TMEM94: variants seen among roughly 807,000 people sequenced by gnomAD.
TMEM94 encodes the protein ER Mg2+ ATPase.
TMEM94 carries 81 observed loss-of-function variants against 158.6 expected under a neutral mutation model. The observed-to-expected ratio is 0.51, with a 90% CI of 0.43 to 0.61. The LOEUF is 0.61. TMEM94 is among the 20% of genes least tolerant of loss of function. The pLI, the probability that TMEM94 is intolerant of heterozygous loss-of-function variation, is 0.00. For synonymous variants in TMEM94, 751 were observed against 730.7 expected, an observed-to-expected ratio of 1.03 and a Z score of -0.45; for missense variants, 1,435 against 1,762.0, an observed-to-expected ratio of 0.81 and a Z score of 3.32.
chr17:75,488,711 C>T, intron 6 of TMEM94, 48 bp from the exon 7 acceptor site: 1 of 1,605,148 alleles, frequency 6.2e-7, no homozygotes, highest in Non-Finnish European at 8.5e-7. Flanking sequence ...GGAAGAGTGG[C>T]CTCTGATAGG....
chr17:75,497,890 G>C, intron 27 of TMEM94, 28 bp downstream of exon 27: 1 of 1,587,954 alleles, frequency 6.3e-7, no homozygotes, highest in Non-Finnish European at 8.6e-7. Flanking sequence ...TGTGAGCCTT[G>C]CAAGTGAGCA....
chr17:75,484,992 C>T (rs1257597165), intron 2 of TMEM94, among the ~76,000 whole-genome samples: 2 of 150,928 alleles, frequency 1.3e-5, no homozygotes, highest in African/African-American at 2.4e-5. Flanking sequence ...GAGCCGAGAT[C>T]GTGCCACTGC....
Position 75,486,424 on chromosome 17 carries a change from A to C in TMEM94, c.407A>C (p.Gln136Pro). 2 of 1,614,190 alleles carry C rather than the reference A, an allele frequency of 1.2e-6. No homozygotes were observed. The highest frequency in any genetic ancestry group is 1.7e-6 in the Non-Finnish European group (2 of 1,180,016). ...CTGCGAGGGATCATTGACCAAATCCAAGGTGAGGTCAAGGGCAGGCATATT... is the reference window on the plus strand; with the variant it reads ...CTGCGAGGGATCATTGACCAAATCCCAGGTGAGGTCAAGGGCAGGCATATT... ...RRLRGIIDQI[Q>P]DALRDGREIQ... Residue 136 changes from glutamine to proline, a missense_variant and splice_region_variant, in exon 5 of 32, where the codon CAA becomes CCA. Coordinates refer to ENST00000314256, the MANE Select transcript of TMEM94 (RefSeq NM_014738.6).
chr17:75,497,002 T>G, intron 25 of TMEM94, 111 bp from the exon 26 acceptor site: 2 of 1,081,456 alleles, frequency 1.8e-6, no homozygotes, highest in South Asian at 2.6e-5. Flanking sequence ...CTGTTCCCTC[T>G]GGCAGGATGT....
At position 75,494,982 on chromosome 17, in the gene TMEM94, C is replaced by A; in HGVS notation, c.2676C>A (p.Ile892=). 2 of 1,613,330 alleles carry A rather than the reference C, an allele frequency of 1.2e-6. No homozygotes were observed. The highest frequency in any genetic ancestry group is 1.7e-6 in the Non-Finnish European group (2 of 1,179,978). Reference sequence around the variant, plus strand: ...ATGGTGACATGCCTGGCTCCGAGATCCCCCCCTCCAGCCCCAGCCACGCAG... The same window carrying A: ...ATGGTGACATGCCTGGCTCCGAGATACCCCCCTCCAGCCCCAGCCACGCAG... ...TPNGDMPGSE[I]PPSSPSHAGS... is the part of the protein sequence containing the mutation. Residue 892 remains isoleucine (I), a synonymous_variant, in exon 20 of 32, where the codon ATC becomes ATA. Coordinates refer to ENST00000314256, the MANE Select transcript of TMEM94 (RefSeq NM_014738.6).
chr17:75,462,999 TAAAA>T (rs2050128577), intron 1 of TMEM94, among the ~76,000 whole-genome samples: 1 of 19,850 alleles, frequency 5.0e-5, no homozygotes, highest in South Asian at 2.0e-3. Flanking sequence ...TCTCCAAAAA[TAAAA>T]AAAGTAAAAA....
Position 75,493,055 on chromosome 17 carries a change from C to A in TMEM94, c.2039C>A (p.Pro680His). 6.2e-7 allele frequency: 1 copy of A among 1,613,484 alleles called. No homozygotes were observed. Residue 680 changes from proline to histidine, a missense_variant, in exon 16 of 32, where the codon CCT (proline) becomes CAT (histidine). Pro to His is a moderately conservative substitution (Grantham distance 77). This residue lies in a region of TMEM94 where 1,051 missense variants were observed against 1,254.4 expected (regional missense o/e 0.84). Coordinates refer to ENST00000314256, the MANE Select transcript of TMEM94 (RefSeq NM_014738.6). ...GRLSCVTKRR[P>H]PLSHMISLFI... ...CTCTCCTGTGTCACCAAGCGGCGGC[C>A]TCCCCTCAGCCACATGATCAGCCTC...
intron 17 of TMEM94, 23 bp from the exon 18 acceptor site, chr17:75,493,676 A>C (rs1598422464): frequency 6.2e-7 from 1 of 1,612,922 alleles, no homozygotes; most frequent in Non-Finnish European, 8.5e-7. Flanking sequence ...CACTCACCTC[A>C]CCTCCGCCTG....
chr17:75,467,284 T>C (rs1037496695), intron 1 of TMEM94, among the ~76,000 whole-genome samples: 1 of 151,882 alleles, frequency 6.6e-6, no homozygotes, highest in Non-Finnish European at 1.5e-5. Flanking sequence ...CATGCTGTTT[T>C]TATACTATTA....
chr17:75,471,238 CAA>C (rs763388343), intron 1 of TMEM94, among the ~76,000 whole-genome samples: 7 of 69,978 alleles, frequency 1.0e-4, no homozygotes, highest in Admixed American at 1.8e-4. Flanking sequence ...GAATCCGTCT[CAA>C]AAAAAAAAAA....
At chr17:75,476,616 T>G in intron 2 of TMEM94, 1 of 1,527,896 alleles carries the variant, frequency 6.5e-7, no homozygotes, top group Non-Finnish European at 8.8e-7. Flanking sequence ...TCTCTCTCTC[T>G]TTTCACCCTC....
intron 1 of TMEM94, among the ~76,000 whole-genome samples, chr17:75,468,971 C>A (rs920742650): frequency 3.7e-4 from 56 of 152,072 alleles, no homozygotes; most frequent in African/African-American, 1.3e-3. Flanking sequence ...TCAAACACAC[C>A]CTGGTCTGAG....
chr17:75,498,454 A>C lies in TMEM94; in HGVS notation c.3649A>C (p.Arg1217=). 1.3e-6 allele frequency: 2 copies of C among 1,587,188 alleles called. No homozygotes were observed. Among genetic ancestry groups the C allele is most frequent in the Non-Finnish European group, 1.7e-6 (2 of 1,164,748 alleles). ...SSVMLPSNDD[R]APAWFEDFAN... Reference sequence around the variant, plus strand: ...GCCTCACTTTGGCAGCAACGACGACAGGGCTCCAGCCTGGTTTGAGGACTT... The same window carrying C: ...GCCTCACTTTGGCAGCAACGACGACCGGGCTCCAGCCTGGTTTGAGGACTT... Residue 1217 remains arginine (R), a synonymous_variant, in exon 29 of 32, where the codon AGG becomes CGG. Transcript: ENST00000314256. This position sits in a 1 kb window ranked among gnomAD's most constrained non-coding sequence, Gnocchi z 6.7.
At chr17:75,463,030 A>T (rs2050134818) in intron 1 of TMEM94, among the ~76,000 whole-genome samples, 1 of 8,978 alleles carries the variant, frequency 1.1e-4, no homozygotes, top group Non-Finnish European at 2.2e-4. Flanking sequence ...AAAAAAAAAA[A>T]AAAAAAAATA....
chr17:75,463,191 T>TATATATATAC (rs2050176758), intron 1 of TMEM94, among the ~76,000 whole-genome samples: 1 of 132,800 alleles, frequency 7.5e-6, no homozygotes, highest in African/African-American at 3.1e-5. Flanking sequence ...TATATATATA[T>TATATATATAC]ATATATACAG....
intron 2 of TMEM94, among the ~76,000 whole-genome samples, chr17:75,478,970 TTC>T (rs1468792238): frequency 6.6e-6 from 1 of 152,182 alleles, no homozygotes; most frequent in Non-Finnish European, 1.5e-5. Flanking sequence ...CAACCCGGAT[TTC>T]TGTTTCTCAG....
intron 25 of TMEM94, 79 bp downstream of exon 25, chr17:75,496,886 G>A: frequency 2.0e-6 from 3 of 1,479,774 alleles, no homozygotes; most frequent in South Asian, 2.3e-5. Flanking sequence ...TCTGAGGAAG[G>A]AGGCTGGGGT....
In TMEM94 at chr17:75,485,847, C is replaced by T. The variant is rs762020818; in HGVS notation, c.145-24C>T. 4.4e-6 allele frequency: 7 copies of T among 1,597,748 alleles called. No homozygotes were observed. Among genetic ancestry groups the T allele is most frequent in the Non-Finnish European group, 6.0e-6 (7 of 1,170,626 alleles). ...TGGAGTGGGACAGGCCTCTCATTGT[C>T]CCCTCCCTGTCCGAACTTCCCAGGA... On this transcript the variant is annotated intron_variant, in intron 3 of 31. Coordinates refer to ENST00000314256, the MANE Select transcript of TMEM94 (RefSeq NM_014738.6). The surrounding 1 kb of genome is among the most constrained non-coding windows in gnomAD (Gnocchi z 5.5).
chr17:75,490,678 G>A (rs1263756987), intron 10 of TMEM94, 24 bp from the exon 11 acceptor site: 1 of 1,612,112 alleles, frequency 6.2e-7, no homozygotes, highest in African/African-American at 1.3e-5. Context: ...TCCTCACTGA[G>A]GACCTCACCC....
Sources: gnomAD v4.1 joint callset for allele counts (sites outside exome capture counted in the v4.1 genomes callset) on GRCh38, gnomAD v4.1.1 for gene constraint, gnomAD v4.1.1 regional missense constraint, Gnocchi (gnomAD v3.1) non-coding constraint, MANE v1.5 for transcripts, NCBI Gene and HGNC (gene_info 2026-07-23, HGNC 2026-07-21) for gene names.